BANP: variants seen among roughly 807,000 people sequenced by gnomAD.
BANP encodes the protein protein BANP.
BANP carries 11 observed loss-of-function variants against 68.1 expected under a neutral mutation model. The ratio of observed to expected loss-of-function variants is 0.16; its 90% CI spans 0.10 to 0.27. The LOEUF (loss-of-function observed/expected upper bound fraction) is 0.27, where lower values mean the gene tolerates loss of function less well. Ranked by LOEUF, BANP falls within the 10% of genes least tolerant of loss-of-function variation. BANP has a pLI of 1.00. For missense variants in BANP, 504 were observed against 722.7 expected, an observed-to-expected ratio of 0.70 and a Z score of 3.47; for synonymous variants, 329 against 303.2, an observed-to-expected ratio of 1.09 and a Z score of -0.88.
chr16:88,072,782 G>C (rs1057182650), intron 13 of BANP, among the ~76,000 whole-genome samples: 4 of 152,230 alleles, frequency 2.6e-5, no homozygotes, highest in African/African-American at 9.6e-5. Context: ...TGATGCCGTG[G>C]GCTGTTTGCT....
intron 11 of BANP, among the ~76,000 whole-genome samples, chr16:88,046,603 T>G (rs1004013731): frequency 6.6e-6 from 1 of 151,998 alleles, no homozygotes. Context: ...TGGAGTGCAG[T>G]GATGCCATCT....
intron 6 of BANP, among the ~76,000 whole-genome samples, chr16:88,007,841 G>A (rs921143029): frequency 2.0e-5 from 3 of 151,486 alleles, no homozygotes; most frequent in East Asian, 3.9e-4. Flanking sequence ...AGAAAGAGAC[G>A]TTGAGTTGAT....
intron 4 of BANP, among the ~76,000 whole-genome samples, chr16:87,994,172 A>G (rs552183371): frequency 8.5e-5 from 13 of 152,144 alleles, no homozygotes; most frequent in Non-Finnish European, 1.6e-4. Flanking sequence ...TCAGCCAAAC[A>G]TGTTGCCTAG....
intron 11 of BANP, among the ~76,000 whole-genome samples, chr16:88,063,156 G>A (rs1011694934): frequency 6.6e-6 from 1 of 152,260 alleles, no homozygotes; most frequent in African/African-American, 2.4e-5. Context: ...CTGTGTGACT[G>A]TTCTCAGAGC....
intron 7 of BANP, among the ~76,000 whole-genome samples, chr16:88,020,511 C>T (rs1171210754): frequency 6.6e-6 from 1 of 152,244 alleles, no homozygotes; most frequent in Non-Finnish European, 1.5e-5. Context: ...GCAGAGCGTG[C>T]GGTCAGGTAG....
At chr16:87,971,778 A>G (rs1473064073) in intron 1 of BANP, among the ~76,000 whole-genome samples, 2 of 151,444 alleles carry the variant, frequency 1.3e-5, no homozygotes, top group African/African-American at 4.9e-5. Context: ...AGTTTTTGGT[A>G]TTCCATTTCA....
chr16:88,058,095 T>G (rs1306360262), intron 11 of BANP, among the ~76,000 whole-genome samples: 1 of 151,708 alleles, frequency 6.6e-6, no homozygotes. Flanking sequence ...AAATTCATTG[T>G]GTATTTACGA....
chr16:87,956,164 C>G (rs1426133873), intron 1 of BANP, among the ~76,000 whole-genome samples: 2 of 152,170 alleles, frequency 1.3e-5, no homozygotes, highest in African/African-American at 2.4e-5. Flanking sequence ...TCCAGTTACA[C>G]GATTAAGTGA....
intron 1 of BANP, among the ~76,000 whole-genome samples, chr16:87,972,578 T>C (rs1205040144): frequency 6.6e-6 from 1 of 152,230 alleles, no homozygotes; most frequent in Non-Finnish European, 1.5e-5. Flanking sequence ...CTCATTTTTA[T>C]ATGATTTTTG....
chr16:88,065,067 G>A (rs2088130403), intron 11 of BANP, among the ~76,000 whole-genome samples, 200 bp from the exon 12 acceptor site: 1 of 152,210 alleles, frequency 6.6e-6, no homozygotes, highest in Admixed American at 6.5e-5. Flanking sequence ...TGTTTTTGCT[G>A]TTTGGGAATT....
chr16:88,016,375 T>C (rs1401750740), intron 6 of BANP, among the ~76,000 whole-genome samples: 2 of 152,246 alleles, frequency 1.3e-5, no homozygotes, highest in African/African-American at 4.8e-5. Flanking sequence ...TGACCATCTC[T>C]AGCCATGGTG....
At chr16:87,986,528 G>A (rs2064464809) in intron 4 of BANP, among the ~76,000 whole-genome samples, 1 of 151,810 alleles carries the variant, frequency 6.6e-6, no homozygotes, top group Admixed American at 6.6e-5. Flanking sequence ...AGGTGACCTC[G>A]GCCAAGTCAC....
chr16:88,053,688 C>G (rs1567885627), intron 11 of BANP, among the ~76,000 whole-genome samples: 1 of 145,424 alleles, frequency 6.9e-6, no homozygotes, highest in Non-Finnish European at 1.5e-5. Context: ...CCACCTCTAC[C>G]ACTGTCATCT....
rs1249878093 is a variant in BANP, at chr16:87,975,099, C to T, written c.-17C>T. On this transcript the variant is annotated 5_prime_UTR_variant, in exon 2 of 14. Transcript: ENST00000682872. The stretch of plus-strand genomic sequence containing the variant: ...GTTGAACTCTTTCGTGTTGACCGGC[C>T]ACTCTCCGTGCTCTGGATGATGTCG... 1.3e-6 allele frequency: 2 copies of T among 1,589,572 alleles called. No individual in the cohort carries two copies. The highest frequency in any genetic ancestry group is 1.7e-6 in the Non-Finnish European group (2 of 1,163,068).
rs184107687 is a variant in BANP, at chr16:88,003,676, T to C, written c.363-619T>C. The C allele has an allele frequency of 6.9e-5, 25 of 363,632 alleles. No individual in the cohort carries two copies. In the East Asian group the frequency reaches 1.9e-3, roughly 28 times the overall value. 22.5% of individuals were successfully genotyped at this position (363,632 alleles called of 1,614,324 possible). On this transcript the variant is annotated intron_variant, in intron 4 of 13. Transcript: ENST00000682872. This position sits in a 1 kb window ranked among gnomAD's most constrained non-coding sequence, Gnocchi z 6.1. ...GGTTTCTGGGCCATGGTCTGTTCTT[T>C]TGTAGAATCTTTTCCTTCAAAGCAG...
chr16:87,986,880 C>G (rs1402980093), intron 4 of BANP, among the ~76,000 whole-genome samples: 2 of 152,024 alleles, frequency 1.3e-5, no homozygotes, highest in African/African-American at 4.8e-5. Context: ...ATTGGCAAGG[C>G]AAAATCAACC....
chr16:88,075,312 C>G (rs1246132847), intron 13 of BANP, among the ~76,000 whole-genome samples: 2 of 152,324 alleles, frequency 1.3e-5, no homozygotes, highest in African/African-American at 4.8e-5. Context: ...CGCCACTGTG[C>G]TCCAGCCTAG....
chr16:88,054,695 G>A (rs1185398995), intron 11 of BANP, among the ~76,000 whole-genome samples: 1 of 152,148 alleles, frequency 6.6e-6, no homozygotes, highest in Non-Finnish European at 1.5e-5. Context: ...TCTTCCTGTC[G>A]AGACTGAAAT....
chr16:88,001,939 A>G (rs577565334), intron 4 of BANP, among the ~76,000 whole-genome samples: 21 of 152,164 alleles, frequency 1.4e-4, no homozygotes, highest in Admixed American at 3.3e-4. Context: ...AACAAAAAAA[A>G]AAAAACCTTC....
Sources: allele counts gnomAD v4.1 joint callset (sites outside exome capture counted in the v4.1 genomes callset), GRCh38; gene constraint gnomAD v4.1.1; non-coding constraint Gnocchi (gnomAD v3.1); transcripts MANE v1.5; gene names NCBI Gene and HGNC (gene_info 2026-07-23, HGNC 2026-07-21).